SNX10: variants seen among roughly 807,000 people sequenced by gnomAD.
SNX10 encodes sorting nexin-10.
In SNX10, 25 loss-of-function variants were observed where a neutral mutation model predicts 28.5. The ratio of observed to expected loss-of-function variants is 0.88; its 90% confidence interval spans 0.64 to 1.22. SNX10 has a LOEUF of 1.22. SNX10 is among the 50% of genes most tolerant of loss of function. SNX10 has a pLI of 0.00. For synonymous variants in SNX10, 62 were observed against 81.4 expected, an observed-to-expected ratio of 0.76 and a Z score of 1.28; for missense variants, 223 against 242.6, an observed-to-expected ratio of 0.92 and a Z score of 0.54.
intron 1 of SNX10, among the ~76,000 whole-genome samples, chr7:26,308,573 G>A (rs892239699): frequency 2.6e-5 from 4 of 152,206 alleles, no homozygotes; most frequent in Non-Finnish European, 5.9e-5. Flanking sequence ...AGGTTCCTGG[G>A]GGGTGGTGCA....
intron 1 of SNX10, among the ~76,000 whole-genome samples, chr7:26,295,475 A>G (rs1273334469): frequency 6.6e-6 from 1 of 152,214 alleles, no homozygotes; most frequent in Non-Finnish European, 1.5e-5. Flanking sequence ...TCACCATTTT[A>G]TTCTAATAAT....
intron 1 of SNX10, among the ~76,000 whole-genome samples, chr7:26,317,820 G>T (rs890056259): frequency 2.0e-5 from 3 of 151,916 alleles, no homozygotes; most frequent in Non-Finnish European, 4.4e-5. Flanking sequence ...ATACTACCAC[G>T]CCCAGCTAAT....
intron 3 of SNX10, among the ~76,000 whole-genome samples, chr7:26,362,262 A>G (rs529454831): frequency 2.5e-4 from 38 of 152,218 alleles, no homozygotes; most frequent in Non-Finnish European, 4.7e-4. Flanking sequence ...AATTATGACT[A>G]TATAAGAATA....
intron 1 of SNX10, among the ~76,000 whole-genome samples, chr7:26,344,404 G>A (rs1214700261): frequency 6.6e-6 from 1 of 151,860 alleles, no homozygotes; most frequent in Admixed American, 6.6e-5. Context: ...CCTGACCTCA[G>A]GTAATCTGCT....
At chr7:26,333,889 A>G (rs1158804600) in intron 1 of SNX10, among the ~76,000 whole-genome samples, 1 of 152,188 alleles carries the variant, frequency 6.6e-6, no homozygotes, top group Non-Finnish European at 1.5e-5. Flanking sequence ...TTTTCCCATC[A>G]TAATCAAAAC....
chr7:26,325,099 G>T (rs372951299), intron 1 of SNX10, among the ~76,000 whole-genome samples: 2 of 151,528 alleles, frequency 1.3e-5, no homozygotes, highest in South Asian at 2.1e-4. Flanking sequence ...TCTCATGAAA[G>T]AACGGGCTAG....
intron 1 of SNX10, among the ~76,000 whole-genome samples, chr7:26,331,956 G>A (rs1787765754): frequency 1.3e-5 from 2 of 152,132 alleles, no homozygotes; most frequent in African/African-American, 4.8e-5. Context: ...CCTTTATATT[G>A]TTGAATAATA....
intron 1 of SNX10, among the ~76,000 whole-genome samples, chr7:26,309,767 T>A (rs1786747694): frequency 1.3e-5 from 2 of 152,242 alleles, no homozygotes; most frequent in South Asian, 4.2e-4. Flanking sequence ...TAGGGGTACC[T>A]TGTGGTGAGG....
chr7:26,372,222 CCA>C (rs1046617640), intron 6 of SNX10, 189 bp downstream of exon 6: 1 of 596,060 alleles, frequency 1.7e-6, no homozygotes, highest in African/African-American at 1.9e-5. Flanking sequence ...ACACACACCT[CCA>C]CACTGAATTA....
intron 1 of SNX10, 102 bp from the exon 2 acceptor site, chr7:26,346,318 G>C (rs946133844): frequency 2.8e-5 from 21 of 750,160 alleles, no homozygotes; most frequent in South Asian, 8.8e-5. Context: ...ACTGTGGGGC[G>C]GGGGGGGCTC....
Position 26,364,535 on chromosome 7 carries a change from A to G in SNX10, c.112A>G (p.Thr38Ala), listed in dbSNP as rs2128024177. 6.2e-7 allele frequency: 1 copy of G among 1,613,052 alleles called. No individual in the cohort carries two copies. The highest frequency in any genetic ancestry group is 1.7e-4 in the Middle Eastern group (1 of 6,052). Residue 38 changes from threonine (T) to alanine (A), a missense_variant and splice_region_variant, in exon 4 of 7, where the codon ACT (threonine) becomes GCT (alanine). Transcript: ENST00000338523. This position sits in a 1 kb window ranked among gnomAD's most constrained non-coding sequence, Gnocchi z 4.9. ...TCATTTTTCTACTTTCTCTGTACAG[A>G]CTAATAGCATGTGTTTTACAATGAA... ...SYIDYEICIH[T>A]NSMCFTMKTS...
intron 1 of SNX10, among the ~76,000 whole-genome samples, chr7:26,296,396 G>A (rs1285418984): frequency 6.6e-6 from 1 of 152,062 alleles, no homozygotes; most frequent in Admixed American, 6.6e-5. Flanking sequence ...CACACCTGTA[G>A]TCCTAGCTTC....
chr7:26,333,613 C>T (rs953876075), intron 1 of SNX10, among the ~76,000 whole-genome samples: 3 of 152,086 alleles, frequency 2.0e-5, no homozygotes, highest in African/African-American at 4.8e-5. Context: ...CGTGAGCCAC[C>T]GCACCCGACT....
rs982280407 is a variant in SNX10, at chr7:26,372,789, A to G, written c.*217A>G. 14 of 417,050 alleles carry G rather than the reference A, an allele frequency of 3.4e-5. No individual in the cohort carries two copies. Among genetic ancestry groups the G allele is most frequent in the African/African-American group, 2.7e-4 (13 of 48,890 alleles). 25.8% of individuals were successfully genotyped at this position (417,050 alleles called of 1,614,324 possible). On this transcript the variant is annotated 3_prime_UTR_variant, in exon 7 of 7. Coordinates refer to ENST00000338523, the MANE Select transcript of SNX10 (RefSeq NM_013322.3). ...CTAAAAATCCTGTGAATACAATACT[A>G]TCCTTTACAGGCAGACATTATTGGT...
At chr7:26,321,382 G>C (rs1368757740) in intron 1 of SNX10, among the ~76,000 whole-genome samples, 1 of 152,136 alleles carries the variant, frequency 6.6e-6, no homozygotes, top group African/African-American at 2.4e-5. Flanking sequence ...AGCCAGTCTT[G>C]GTTTTCTTTC....
intron 1 of SNX10, among the ~76,000 whole-genome samples, chr7:26,329,404 C>A (rs1361037458): frequency 6.6e-6 from 1 of 152,218 alleles, no homozygotes; most frequent in African/African-American, 2.4e-5. Flanking sequence ...CCTTCCCTGA[C>A]CACCCACATA....
At position 26,296,738 on chromosome 7, in the gene SNX10, C is replaced by T. The variant is rs560688011; in HGVS notation, c.-24+4652C>T. ...ATCAAAATATATCAGGTAGGTAGGA[C>T]GTGGTGGCTCACGCCTGTAATCTTA... On this transcript the variant is annotated intron_variant, in intron 1 of 6. Transcript: ENST00000338523. Among the ~76,000 whole-genome samples the T allele has an allele frequency of 1.9e-4, 29 of 152,056 alleles. No homozygotes were observed. The South Asian group carries it at 2.9e-3, about 15-fold the overall frequency.
chr7:26,356,656 T>G (rs1052979477), intron 2 of SNX10, among the ~76,000 whole-genome samples: 18 of 152,224 alleles, frequency 1.2e-4, no homozygotes, highest in African/African-American at 4.3e-4. Flanking sequence ...GTACATATTT[T>G]AACTCCCACT....
At chr7:26,370,102 G>A (rs1014300816) in intron 5 of SNX10, among the ~76,000 whole-genome samples, 32 of 152,126 alleles carry the variant, frequency 2.1e-4, no homozygotes, top group African/African-American at 7.2e-4. Context: ...ACAAAGCCAC[G>A]AGTACAATCC....
Sources: gnomAD v4.1 joint callset for allele counts (sites outside exome capture counted in the v4.1 genomes callset) on GRCh38, gnomAD v4.1.1 for gene constraint, Gnocchi (gnomAD v3.1) non-coding constraint, MANE v1.5 for transcripts, NCBI Gene and HGNC (gene_info 2026-07-23, HGNC 2026-07-21) for gene names.